Variants in DMD observed in about 807,000 individuals in gnomAD.
DMD encodes mutant dystrophin.
DMD carries 63 observed loss-of-function variants against 330.1 expected under a neutral mutation model. The observed-to-expected ratio is 0.19, with a 90% confidence interval of 0.16 to 0.24. The LOEUF is 0.24. Ranked by LOEUF, DMD falls within the 10% of genes least tolerant of loss-of-function variation. The probability of loss-of-function intolerance (pLI) is 1.00; values close to 1 mark genes in which losing one functional copy is unlikely to be tolerated. For missense variants in DMD, 3,344 were observed against 2,684.1 expected (o/e 1.25, Z -5.43); for synonymous variants, 1,223 against 959.8 (o/e 1.27, Z -5.07).
intron 2 of DMD, among the ~76,000 whole-genome samples, chrX:32,984,190 C>G (rs2092783679): frequency 8.9e-6 from 1 of 112,029 alleles, no homozygotes; most frequent in East Asian, 2.8e-4. Flanking sequence ...GAAGTGGTAC[C>G]AAGTGATCAC....
chrX:31,662,996 C>A (rs1245659085), intron 53 of DMD, among the ~76,000 whole-genome samples: 1 of 111,316 alleles, frequency 9.0e-6, no homozygotes, highest in Non-Finnish European at 1.9e-5. Context: ...CCATTCTCTA[C>A]CCATTTCCTA....
chrX:32,477,285 G>C (rs1294795283), intron 21 of DMD, among the ~76,000 whole-genome samples: 1 of 107,054 alleles, frequency 9.3e-6, no homozygotes, highest in Non-Finnish European at 1.9e-5. Flanking sequence ...CTGCACTACT[G>C]TTTATCTTGA....
intron 78 of DMD, among the ~76,000 whole-genome samples, chrX:31,125,731 C>T (rs1569296210): frequency 8.9e-6 from 1 of 111,963 alleles, no homozygotes; most frequent in Non-Finnish European, 1.9e-5. Context: ...CATCTTTCAC[C>T]GTAAAACCTG....
chrX:31,905,072 G>T (rs1603568082), intron 47 of DMD, among the ~76,000 whole-genome samples: 1 of 111,570 alleles, frequency 9.0e-6, no homozygotes, highest in Non-Finnish European at 1.9e-5. Context: ...TCAGAAAGAA[G>T]AAATCAAATA....
intron 44 of DMD, among the ~76,000 whole-genome samples, chrX:32,142,141 G>T (rs1244648605): frequency 9.0e-6 from 1 of 110,773 alleles, no homozygotes. Flanking sequence ...GCCCTCTCCA[G>T]GACTCTCCTT....
At chrX:32,873,728 C>T (rs55844332) in intron 2 of DMD, among the ~76,000 whole-genome samples, 33,486 of 110,754 alleles carry the variant, frequency 0.3, 3,639 homozygotes, top group South Asian at 0.4. Flanking sequence ...TAAAAATTAG[C>T]CAAAACCCTT....
chrX:33,191,527 G>A (rs1307135417), intron 1 of DMD, among the ~76,000 whole-genome samples: 1 of 110,690 alleles, frequency 9.0e-6, no homozygotes, highest in Non-Finnish European at 1.9e-5. Context: ...GGGTTCAACG[G>A]ATTCTTCTGC....
At chrX:31,262,264 T>G (rs2050599929) in intron 62 of DMD, among the ~76,000 whole-genome samples, 1 of 112,166 alleles carries the variant, frequency 8.9e-6, no homozygotes, top group Non-Finnish European at 1.9e-5. Flanking sequence ...GCAAATCTGT[T>G]ATTAGTTGAT....
intron 43 of DMD, among the ~76,000 whole-genome samples, chrX:32,246,907 T>G (rs866421699): frequency 2.9e-4 from 32 of 110,872 alleles, no homozygotes; most frequent in Middle Eastern, 4.6e-3. Flanking sequence ...GAGCCCAGAA[T>G]TGGTTTTCCA....
At chrX:32,820,631 C>G (rs2078163159) in intron 5 of DMD, among the ~76,000 whole-genome samples, 1 of 110,894 alleles carries the variant, frequency 9.0e-6, no homozygotes, top group African/African-American at 3.3e-5. Flanking sequence ...TTCAGAGTGC[C>G]TTTTGGAGCT....
intron 41 of DMD, among the ~76,000 whole-genome samples, chrX:32,326,455 T>A (rs1180056025): frequency 8.9e-6 from 1 of 112,973 alleles, no homozygotes; most frequent in African/African-American, 3.2e-5. Flanking sequence ...TAAATAAGCA[T>A]ATGTGTAACA....
chrX:31,723,722 T>C (rs1414109495), intron 52 of DMD, among the ~76,000 whole-genome samples: 2 of 109,025 alleles, frequency 1.8e-5, no homozygotes, highest in Non-Finnish European at 3.8e-5. Context: ...TAATTATGTA[T>C]TCTCCTGTCA....
Position 32,715,577 on chromosome X carries a change from C to A in DMD, c.650-16284G>T, listed in dbSNP as rs2065630661. 2.8e-5 allele frequency among the ~76,000 whole-genome samples: 3 copies of A among 107,637 alleles called. No individual in the cohort carries two copies. In the Admixed American group the frequency reaches 3.0e-4, roughly 11 times the overall value. 93.5% of individuals were successfully genotyped at this position (107,637 alleles called of 115,157 possible). A position where few individuals can be genotyped will look rare whatever the true frequency, so the allele number is the denominator to read the frequency against. ...AGGGAGGCCATGGCAGGCAGATACG[C>A]AGATCACCTGAGGTCAGGAGTTTGA... On this transcript the variant is annotated intron_variant, in intron 7 of 78. Coordinates refer to ENST00000357033, the MANE Select transcript of DMD (RefSeq NM_004006.3).
intron 34 of DMD, among the ~76,000 whole-genome samples, chrX:32,372,338 T>C (rs2097882252): frequency 9.0e-6 from 1 of 111,724 alleles, no homozygotes; most frequent in Admixed American, 9.6e-5. Flanking sequence ...CCCTGTCCTT[T>C]TGCTGAATGA....
intron 47 of DMD, among the ~76,000 whole-genome samples, chrX:31,924,216 C>A (rs932949882): frequency 1.8e-5 from 2 of 111,689 alleles, no homozygotes; most frequent in African/African-American, 6.5e-5. Context: ...ACTATTAGAA[C>A]AATCTATTAA....
chrX:31,210,405 G>A (rs2044532524), intron 64 of DMD, among the ~76,000 whole-genome samples: 1 of 112,005 alleles, frequency 8.9e-6, no homozygotes, highest in African/African-American at 3.2e-5. Flanking sequence ...GGCTGAGGGA[G>A]GAAAATTCCC....
intron 55 of DMD, among the ~76,000 whole-genome samples, chrX:31,593,179 G>A (rs66964628): frequency 0.069 from 7,700 of 110,925 alleles, 320 homozygotes; most frequent in Admixed American, 0.17. Context: ...ATCTAAAAGT[G>A]GAAATTTTTA....
chrX:32,696,072 T>C (rs1239168673), intron 9 of DMD, among the ~76,000 whole-genome samples: 1 of 111,829 alleles, frequency 8.9e-6, no homozygotes, highest in African/African-American at 3.3e-5. Context: ...GTGTTTTCCA[T>C]AGGGGACAGT....
chrX:33,014,481 T>TA (rs1443195487), intron 2 of DMD, among the ~76,000 whole-genome samples: 1 of 111,872 alleles, frequency 8.9e-6, no homozygotes, highest in Non-Finnish European at 1.9e-5. Flanking sequence ...TGCAAAATGT[T>TA]ACGGAGATTG....
Sources: allele counts gnomAD v4.1 joint callset (sites outside exome capture counted in the v4.1 genomes callset), GRCh38; gene constraint gnomAD v4.1.1; transcripts MANE v1.5; gene names NCBI Gene and HGNC (gene_info 2026-07-23, HGNC 2026-07-21).